The following CEP112 variants were observed in gnomAD, a reference collection of about 807,000 sequenced individuals.
The protein encoded by CEP112 is centrosomal protein of 112 kDa.
Under a neutral mutation model 153.0 loss-of-function variants are expected in CEP112, and 127 were observed. That is an observed-to-expected ratio of 0.83 (90% CI 0.72 to 0.96). The LOEUF (loss-of-function observed/expected upper bound fraction) is 0.96. Ranked by LOEUF, CEP112 falls within the 40% of genes least tolerant of loss-of-function variation. The probability of loss-of-function intolerance (pLI) is 0.00; values close to 1 mark genes in which losing one functional copy is unlikely to be tolerated. For synonymous variants in CEP112, 358 were observed against 374.4 expected (o/e 0.96, Z 0.51); for missense variants, 1,089 against 1,101.2 (o/e 0.99, Z 0.16).
intron 22 of CEP112, among the ~76,000 whole-genome samples, chr17:65,748,133 G>T (rs1322417218): frequency 6.6e-6 from 1 of 152,064 alleles, no homozygotes; most frequent in Non-Finnish European, 1.5e-5. Flanking sequence ...GAACTGACTG[G>T]CATTGTAGAC....
intron 21 of CEP112, among the ~76,000 whole-genome samples, chr17:65,782,730 C>T (rs2054068012): frequency 6.6e-6 from 1 of 151,986 alleles, no homozygotes; most frequent in Non-Finnish European, 1.5e-5. Flanking sequence ...AAGCAAATAC[C>T]ACATGTTCTC....
At chr17:66,074,200 G>A (rs1478683528) in intron 8 of CEP112, among the ~76,000 whole-genome samples, 1 of 151,800 alleles carries the variant, frequency 6.6e-6, no homozygotes, top group Non-Finnish European at 1.5e-5. Context: ...TAATTCAAAG[G>A]AACAAAAATT....
At chr17:65,950,274 T>C (rs2061779490) in intron 18 of CEP112, among the ~76,000 whole-genome samples, 1 of 152,170 alleles carries the variant, frequency 6.6e-6, no homozygotes, top group Admixed American at 6.5e-5. Flanking sequence ...AAAAATTACA[T>C]TGGAATTTTG....
At chr17:65,656,480 G>A (rs556242891) in intron 24 of CEP112, among the ~76,000 whole-genome samples, 1 of 152,302 alleles carries the variant, frequency 6.6e-6, no homozygotes, top group Non-Finnish European at 1.5e-5. Flanking sequence ...TGTTGCATCT[G>A]TTAGACCAGG....
At chr17:65,839,913 C>T (rs1035141058) in intron 21 of CEP112, among the ~76,000 whole-genome samples, 2 of 151,700 alleles carry the variant, frequency 1.3e-5, no homozygotes, top group African/African-American at 2.4e-5. Flanking sequence ...GAAAGCAATC[C>T]TATTTACAGC....
chr17:66,148,422 TA>T (rs1314660284), intron 4 of CEP112, among the ~76,000 whole-genome samples: 1 of 152,216 alleles, frequency 6.6e-6, no homozygotes, highest in East Asian at 1.9e-4. Flanking sequence ...ACAGAGATTG[TA>T]TGGCATCTGT....
In CEP112 at chr17:65,709,259, T is replaced by C. The variant is rs150593705; in HGVS notation, c.2608-20041A>G. Among the ~76,000 whole-genome samples, 1,068 of 152,374 alleles carry C rather than the reference T, an allele frequency of 7.0e-3. 4 individuals carry two copies. Among genetic ancestry groups the C allele is most frequent in the Non-Finnish European group, 0.01 (702 of 68,038 alleles). ...CTAACATTAATAAAGATTTGCAATA[T>C]ATATGTTACAACAATTCTTAGATAT... On this transcript the variant is annotated intron_variant, in intron 23 of 26. Transcript: ENST00000535342.
chr17:66,000,754 A>C (rs1259948560), intron 17 of CEP112, among the ~76,000 whole-genome samples: 5 of 152,228 alleles, frequency 3.3e-5, no homozygotes, highest in Non-Finnish European at 7.3e-5. Context: ...AGAGGAGGTC[A>C]GCTGAAGTTG....
chr17:66,122,366 ATTT>A (rs1194411212), intron 6 of CEP112, among the ~76,000 whole-genome samples: 1 of 151,860 alleles, frequency 6.6e-6, no homozygotes, highest in African/African-American at 2.4e-5. Context: ...ATGTCTTATA[ATTT>A]TTTTTCTTGA....
At chr17:65,733,889 CA>C (rs1166758013) in intron 23 of CEP112, among the ~76,000 whole-genome samples, 1 of 152,160 alleles carries the variant, frequency 6.6e-6, no homozygotes, top group Non-Finnish European at 1.5e-5. Context: ...TCCTGAAATC[CA>C]AAAGTCCTCC....
chr17:66,180,601 C>A (rs1216037031), intron 2 of CEP112, among the ~76,000 whole-genome samples: 1 of 152,058 alleles, frequency 6.6e-6, no homozygotes, highest in Non-Finnish European at 1.5e-5. Context: ...TTGAGCACTA[C>A]TGACATGTCA....
intron 18 of CEP112, among the ~76,000 whole-genome samples, chr17:65,958,263 T>C (rs1365454555): frequency 6.6e-6 from 1 of 152,240 alleles, no homozygotes; most frequent in Non-Finnish European, 1.5e-5. Flanking sequence ...TATAAGAACA[T>C]GCTTTCCTAT....
chr17:65,994,723 G>A (rs2063720752), intron 17 of CEP112, among the ~76,000 whole-genome samples: 1 of 152,148 alleles, frequency 6.6e-6, no homozygotes, highest in African/African-American at 2.4e-5. Flanking sequence ...CACACGGAGA[G>A]CCAAACATGT....
At chr17:65,654,687 C>T (rs1023743581) in intron 24 of CEP112, among the ~76,000 whole-genome samples, 1 of 152,180 alleles carries the variant, frequency 6.6e-6, no homozygotes, top group Non-Finnish European at 1.5e-5. Context: ...CTAAATCCAG[C>T]TTCAGGTAGT....
chr17:65,927,145 TTCTCTC>T (rs148902487), intron 19 of CEP112, among the ~76,000 whole-genome samples: 1 of 149,964 alleles, frequency 6.7e-6, no homozygotes, highest in African/African-American at 2.4e-5. Flanking sequence ...ACCTCCTCGC[TTCTCTC>T]TCTCTCTCTC....
chr17:66,057,390 C>CCTCCATGGGATAGGCAT (rs2066736207), intron 11 of CEP112, among the ~76,000 whole-genome samples: 3 of 152,126 alleles, frequency 2.0e-5, no homozygotes, highest in East Asian at 3.9e-4. Context: ...TAGGTATATC[C>CCTCCATGGGATAGGCAT]CTCCATGGGA....
chr17:65,851,778 A>G, intron 21 of CEP112, 26 bp downstream of exon 21: 1 of 1,541,616 alleles, frequency 6.5e-7, no homozygotes, highest in South Asian at 1.2e-5. Flanking sequence ...TCAACTGCCT[A>G]TTAAAAAACT....
intron 24 of CEP112, among the ~76,000 whole-genome samples, chr17:65,669,649 A>G (rs1177645654): frequency 1.3e-5 from 2 of 152,346 alleles, no homozygotes; most frequent in Non-Finnish European, 2.9e-5. Flanking sequence ...CATGCCTGTA[A>G]TCCCAGCACT....
chr17:65,940,766 C>T (rs181962171), intron 18 of CEP112, among the ~76,000 whole-genome samples: 1 of 152,202 alleles, frequency 6.6e-6, no homozygotes, highest in East Asian at 1.9e-4. Context: ...AGATACTGTT[C>T]AAAGGGTACA....
Sources: allele counts gnomAD v4.1 joint callset (sites outside exome capture counted in the v4.1 genomes callset), GRCh38; gene constraint gnomAD v4.1.1; transcripts MANE v1.5; gene names NCBI Gene and HGNC (gene_info 2026-07-23, HGNC 2026-07-21).